DVL3: variants seen among roughly 807,000 people sequenced by gnomAD.
The protein encoded by DVL3 is dishevelled segment polarity protein 3, also known as segment polarity protein dishevelled homolog DVL-3.
A neutral mutation model predicts 67.4 loss-of-function variants in DVL3; 27 were observed. The ratio of observed to expected loss-of-function variants is 0.40; its 90% CI spans 0.30 to 0.55. The LOEUF is 0.55. Among genes scored for constraint, DVL3 ranks in the 20% least tolerant of loss-of-function variants. DVL3 has a pLI of 0.46. For missense variants in DVL3, 819 were observed against 1,021.5 expected (o/e 0.80, Z 2.70); for synonymous variants, 369 against 396.8 (o/e 0.93, Z 0.83).
chr3:184,164,251 A>AAAG lies in DVL3; in HGVS notation c.232-16_232-15insAAG. On this transcript the variant is annotated splice_polypyrimidine_tract_variant and intron_variant, in intron 2 of 14. Transcript: ENST00000313143. The surrounding 1 kb of genome is among the most constrained non-coding windows in gnomAD (Gnocchi z 5.3). ...TGCTCCTGTAACATACTACTCACTC[A>AAAG]GTTTCTCCCTTTCAGCTGGTGTCAG... is the stretch of plus-strand genomic sequence containing the variant. 6.2e-7 allele frequency: 1 copy of AAAG among 1,612,618 alleles called. No individual in the cohort carries two copies. Among genetic ancestry groups the AAAG allele is most frequent in the Non-Finnish European group, 8.5e-7 (1 of 1,179,332 alleles).
Position 184,165,102 on chromosome 3 carries a change from G to A in DVL3, c.600-11G>A. 1 of 1,613,980 alleles carries A rather than the reference G, an allele frequency of 6.2e-7. No homozygotes were observed. Among genetic ancestry groups the A allele is most frequent in the Non-Finnish European group, 8.5e-7 (1 of 1,179,946 alleles). On this transcript the variant is annotated splice_polypyrimidine_tract_variant and intron_variant, in intron 5 of 14. Coordinates refer to ENST00000313143, the MANE Select transcript of DVL3 (RefSeq NM_004423.4). This position sits in a 1 kb window ranked among gnomAD's most constrained non-coding sequence, Gnocchi z 4.1. Reference sequence around the variant, plus strand: ...GGCCAGCCTGGTGGGGAACGACTGTGGGCCCCACAGGTTCAGCAGCTCCAC... The same window carrying A: ...GGCCAGCCTGGTGGGGAACGACTGTAGGCCCCACAGGTTCAGCAGCTCCAC...
At position 184,167,576 on chromosome 3, in the gene DVL3, C is replaced by G; in HGVS notation, c.1199-4C>G. The G allele has an allele frequency of 1.9e-6, 3 of 1,613,224 alleles. No homozygotes were observed. Among genetic ancestry groups the G allele is most frequent in the Non-Finnish European group, 2.5e-6 (3 of 1,180,000 alleles). ...TGCCTCACCATTCTGCCTCCCACCC[C>G]CAGGCCTAGACGACTTCCACTTGTC... On this transcript the variant is annotated splice_polypyrimidine_tract_variant and splice_region_variant and intron_variant, in intron 11 of 14. Transcript: ENST00000313143. The surrounding 1 kb of genome is among the most constrained non-coding windows in gnomAD (Gnocchi z 4.6).
At chr3:184,161,406 G>A (rs1714376827) in intron 1 of DVL3, among the ~76,000 whole-genome samples, 1 of 151,832 alleles carries the variant, frequency 6.6e-6, no homozygotes, top group Non-Finnish European at 1.5e-5. Context: ...CAGCCTGGGT[G>A]ACAGAGCGAG....
intron 13 of DVL3, among the ~76,000 whole-genome samples, chr3:184,169,538 T>C (rs1259680265): frequency 6.6e-6 from 1 of 150,736 alleles, no homozygotes; most frequent in Non-Finnish European, 1.5e-5. Context: ...CTACTAAACA[T>C]ACAAAAAAAA....
rs1936434247 is a variant in DVL3, at chr3:184,166,048, C to G, written c.764-78C>G. The stretch of plus-strand genomic sequence containing the variant: ...CAGCAAATGTCAGTTCAGTTCCTGT[C>G]CCTTTCCATTTTCTAATGGGCTGGG... On this transcript the variant is annotated intron_variant, in intron 7 of 14. Coordinates refer to ENST00000313143, the MANE Select transcript of DVL3 (RefSeq NM_004423.4). The surrounding 1 kb of genome is among the most constrained non-coding windows in gnomAD (Gnocchi z 6.7). The G allele has an allele frequency of 6.5e-7, 1 of 1,546,140 alleles. No individual in the cohort carries two copies. Among genetic ancestry groups the G allele is most frequent in the Non-Finnish European group, 8.8e-7 (1 of 1,137,468 alleles).
chr3:184,156,381 G>C (rs778640797), intron 1 of DVL3: 4 of 456,582 alleles, frequency 8.8e-6, no homozygotes, highest in African/African-American at 2.0e-5. Flanking sequence ...CTCCTTTGTG[G>C]GCTGTTGTGG....
intron 13 of DVL3, 44 bp from the exon 14 acceptor site, chr3:184,169,962 T>C (rs937375220): frequency 2.4e-5 from 37 of 1,528,456 alleles, no homozygotes; most frequent in Non-Finnish European, 3.1e-5. Context: ...GCTAGGGACC[T>C]CTCTCCGGAA....
In DVL3 at chr3:184,170,488, GGCCAGCGAGCACA is replaced by G. The variant is rs1714784618; in HGVS notation, c.1889_1901del (p.Ser630ThrfsTer34). On this transcript the variant is annotated frameshift_variant, in exon 15 of 15. Transcript: ENST00000313143. LOFTEE classifies it high-confidence loss of function. The surrounding 1 kb of genome is among the most constrained non-coding windows in gnomAD (Gnocchi z 6.5). Reference sequence around the variant, plus strand: ...CGCCCAGCGAGCGCTCAGGGCCGGCGGCCAGCGAGCACAGCCACCGCAGCCACCATTCCCTGGC... The same window carrying G: ...CGCCCAGCGAGCGCTCAGGGCCGGCGGCCACCGCAGCCACCATTCCCTGGC... 6.3e-7 allele frequency: 1 copy of G among 1,595,634 alleles called. No individual in the cohort carries two copies.
Position 184,169,883 on chromosome 3 carries a change from G to A in DVL3, c.1499-123G>A. The A allele has an allele frequency of 4.5e-6, 4 of 891,602 alleles. 1 individual carries two copies. In the South Asian group the frequency reaches 5.4e-5, roughly 12 times the overall value. 55.2% of individuals were successfully genotyped at this position (891,602 alleles called of 1,614,324 possible). A position where few individuals can be genotyped will look rare whatever the true frequency, so the allele number is the denominator to read the frequency against. ...GTCTGCAGAAGGGGGGAGCTCTCTG[G>A]GCTGTGCCTCCTCTCATTCTAGCCA... On this transcript the variant is annotated intron_variant, in intron 13 of 14. Coordinates refer to ENST00000313143, the MANE Select transcript of DVL3 (RefSeq NM_004423.4).
chr3:184,164,341 T>C lies in DVL3; in HGVS notation c.306T>C (p.Pro102=). ...CADNPSELPP[P]MERTGGIGDS... ...ATAACCCATCGGAGCTGCCACCACC[T>C]ATGGAGCGCACGGGAGGCATCGGGG... Residue 102 remains proline, a synonymous_variant, in exon 3 of 15, where the codon CCT becomes CCC. Coordinates refer to ENST00000313143, the MANE Select transcript of DVL3 (RefSeq NM_004423.4). This position sits in a 1 kb window ranked among gnomAD's most constrained non-coding sequence, Gnocchi z 5.3. The C allele has an allele frequency of 6.2e-7, 1 of 1,614,048 alleles. No homozygotes were observed. The highest frequency in any genetic ancestry group is 8.5e-7 in the Non-Finnish European group (1 of 1,179,974).
chr3:184,165,333 C>T lies in DVL3; in HGVS notation c.694-89C>T, dbSNP rs2109021499. The T allele has an allele frequency of 1.3e-6, 2 of 1,544,976 alleles. No homozygotes were observed. The highest frequency in any genetic ancestry group is 3.5e-5 in the Admixed American group (2 of 57,170). ...GTGTTGAGAACCTTGGGGCTGGGGGCTGCACCGGGGACTCACCTTGAGGAG... is the reference window on the plus strand; with the variant it reads ...GTGTTGAGAACCTTGGGGCTGGGGGTTGCACCGGGGACTCACCTTGAGGAG... On this transcript the variant is annotated intron_variant, in intron 6 of 14. Transcript: ENST00000313143. This position sits in a 1 kb window ranked among gnomAD's most constrained non-coding sequence, Gnocchi z 4.1.
rs1162623780 is a variant in DVL3 at position 184,164,977 on chromosome 3, G to A, written c.599+46G>A. The A allele has an allele frequency of 6.2e-7, 1 of 1,613,466 alleles. No homozygotes were observed. On this transcript the variant is annotated intron_variant, in intron 5 of 14. Coordinates refer to ENST00000313143, the MANE Select transcript of DVL3 (RefSeq NM_004423.4). This position sits in a 1 kb window ranked among gnomAD's most constrained non-coding sequence, Gnocchi z 5.3. ...GTATTGTGGGGCAGGTGACCCTGGA[G>A]GAGCCCTAAACCCTGAGGATGCGGG...
chr3:184,167,129 C>T lies in DVL3; in HGVS notation c.1198+154C>T, dbSNP rs377544644. On this transcript the variant is annotated intron_variant, in intron 11 of 14. Coordinates refer to ENST00000313143, the MANE Select transcript of DVL3 (RefSeq NM_004423.4). This position sits in a 1 kb window ranked among gnomAD's most constrained non-coding sequence, Gnocchi z 4.6. ...ACCCCACACTGCAACTCCCCCACAG[C>T]GGGCACTCCAACCCTCACTAAACAG... Among the ~76,000 whole-genome samples, 1 of 152,122 alleles carries T rather than the reference C, an allele frequency of 6.6e-6. No homozygotes were observed. Among genetic ancestry groups the T allele is most frequent in the Non-Finnish European group, 1.5e-5 (1 of 68,004 alleles).
Position 184,164,307 on chromosome 3 carries a change from T to A in DVL3, c.272T>A (p.Phe91Tyr). The change falls in exon 3 of 15, where the codon TTC (phenylalanine) becomes TAC (tyrosine). Residue 91 changes from phenylalanine (F) to tyrosine (Y), a missense_variant. By Grantham distance (22) the Phe-to-Tyr change is conservative. Coordinates refer to ENST00000313143, the MANE Select transcript of DVL3 (RefSeq NM_004423.4). This position sits in a 1 kb window ranked among gnomAD's most constrained non-coding sequence, Gnocchi z 5.3. ...GGCTCACACCCAGACCCAGCCCCCT[T>A]CTGTGCTGATAACCCATCGGAGCTG... ...AEGSHPDPAP[F>Y]CADNPSELPP... The A allele has an allele frequency of 6.2e-7, 1 of 1,614,094 alleles. No homozygotes were observed. The highest frequency in any genetic ancestry group is 8.5e-7 in the Non-Finnish European group (1 of 1,179,988).
rs927219456 is a variant in DVL3 at position 184,173,238 on chromosome 3, G to A, written c.*2483G>A. 3 of 152,162 alleles carry A rather than the reference G, an allele frequency of 2.0e-5. No homozygotes were observed. The highest frequency in any genetic ancestry group is 2.9e-5 in the Non-Finnish European group (2 of 68,058). The allele number at this position is 152,162 out of a possible 1,614,324, so 9.4% of individuals were successfully genotyped here. A position where few individuals can be genotyped will look rare whatever the true frequency, so the allele number is the denominator to read the frequency against. On this transcript the variant is annotated 3_prime_UTR_variant, in exon 15 of 15. Coordinates refer to ENST00000313143, the MANE Select transcript of DVL3 (RefSeq NM_004423.4). ...GGTTACTTCATCACAATCTACATAG[G>A]CTCACCAGCTAGAAACATTTATGAG... is the stretch of plus-strand genomic sequence containing the variant.
intron 1 of DVL3, among the ~76,000 whole-genome samples, chr3:184,158,782 T>TC (rs1714283323): frequency 6.7e-6 from 1 of 149,506 alleles, no homozygotes; most frequent in African/African-American, 2.5e-5. Context: ...TTTTTTTCTT[T>TC]TTTTTTTTTT....
chr3:184,170,728 C>T lies in DVL3; in HGVS notation c.2124C>T (p.Pro708=). 1 of 1,613,736 alleles carries T rather than the reference C, an allele frequency of 6.2e-7. No individual in the cohort carries two copies. The highest frequency in any genetic ancestry group is 8.5e-7 in the Non-Finnish European group (1 of 1,179,972). ...RQSFRMAMGN[P]SEFFVDVM is the part of the protein sequence containing the mutation. ...CCTTCCGCATGGCCATGGGAAACCC[C>T]AGTGAGTTCTTTGTGGATGTGATGT... Residue 708 remains proline, a synonymous_variant, in exon 15 of 15, where the codon CCC becomes CCT. Transcript: ENST00000313143. The surrounding 1 kb of genome is among the most constrained non-coding windows in gnomAD (Gnocchi z 6.5).
Position 184,166,541 on chromosome 3 carries a change from A to G in DVL3, c.980+19A>G. ...AACCGGGGTATGGATGGAATGGGGC[A>G]CTGGGCAAGGGGCTTGGTCTGGCCT... On this transcript the variant is annotated intron_variant, in intron 9 of 14. Transcript: ENST00000313143. The surrounding 1 kb of genome is among the most constrained non-coding windows in gnomAD (Gnocchi z 6.7). 1 of 1,614,128 alleles carries G rather than the reference A, an allele frequency of 6.2e-7. No homozygotes were observed. Among genetic ancestry groups the G allele is most frequent in the Non-Finnish European group, 8.5e-7 (1 of 1,179,990 alleles).
chr3:184,171,093 G>T lies in DVL3; in HGVS notation c.*338G>T. On this transcript the variant is annotated 3_prime_UTR_variant, in exon 15 of 15. Transcript: ENST00000313143. ...CATTTTGGGAGTTGACCCCAGCAAT[G>T]ACCTTGGTGGCACGCTCACTCCCTC... 1 of 1,234,828 alleles carries T rather than the reference G, an allele frequency of 8.1e-7. No individual in the cohort carries two copies. The highest frequency in any genetic ancestry group is 1.6e-5 in the South Asian group (1 of 61,884). The allele number at this position is 1,234,828 out of a possible 1,614,324, so 76.5% of individuals were successfully genotyped here.
Sources: gnomAD v4.1 joint callset for allele counts (sites outside exome capture counted in the v4.1 genomes callset) on GRCh38, gnomAD v4.1.1 for gene constraint, Gnocchi (gnomAD v3.1) non-coding constraint, MANE v1.5 for transcripts, NCBI Gene and HGNC (gene_info 2026-07-23, HGNC 2026-07-21) for gene names.